The following BAIAP2 variants were observed in gnomAD, a reference collection of about 807,000 sequenced individuals.
BAIAP2 encodes the protein BAR/IMD domain containing adaptor protein 2.
BAIAP2 carries 18 observed loss-of-function variants against 63.0 expected under a neutral mutation model. The ratio of observed to expected loss-of-function variants is 0.29; its 90% confidence interval spans 0.20 to 0.42. The LOEUF (loss-of-function observed/expected upper bound fraction) is 0.42, where lower values mean the gene tolerates loss of function less well. BAIAP2 is among the 10% of genes least tolerant of loss of function. The pLI is 1.00. For synonymous variants in BAIAP2, 386 were observed against 307.6 expected (o/e 1.25, Z -2.67); for missense variants, 610 against 734.3 (o/e 0.83, Z 1.96).
chr17:81,079,023 C>G (rs918117438), intron 3 of BAIAP2, among the ~76,000 whole-genome samples: 2 of 152,106 alleles, frequency 1.3e-5, no homozygotes, highest in East Asian at 3.8e-4. Flanking sequence ...GGGGTCTCAC[C>G]GATCTCTGCT....
intron 3 of BAIAP2, chr17:81,063,756 G>C (rs1414371207): frequency 6.6e-6 from 1 of 152,346 alleles, no homozygotes; most frequent in African/African-American, 2.4e-5. Context: ...TGGGTGTTGA[G>C]TTTGTTTCCT....
chr17:81,037,842 G>T, intron 1 of BAIAP2, among the ~76,000 whole-genome samples: 1 of 152,266 alleles, frequency 6.6e-6, no homozygotes, highest in East Asian at 1.9e-4. Flanking sequence ...CTTGTCCTTG[G>T]CCTTGGTGAT....
chr17:81,060,239 T>C lies in BAIAP2; in HGVS notation c.217+2272T>C, dbSNP rs79463997. On this transcript the variant is annotated intron_variant, in intron 3 of 13. Coordinates refer to ENST00000428708, the MANE Select transcript of BAIAP2 (RefSeq NM_001144888.2). ...TAGAGTGTACAGTTCTGTGGCTTAG[T>C]GTATTTACAGTGTGCAACCATTGCC... is the stretch of plus-strand genomic sequence containing the variant. Among the ~76,000 whole-genome samples, 75 of 152,314 alleles carry C rather than the reference T, an allele frequency of 4.9e-4. No individual in the cohort carries two copies. In the East Asian group the frequency reaches 8.5e-3, roughly 17 times the overall value.
rs923905762 is a variant in BAIAP2 at position 81,107,004 on chromosome 17, C to T, written c.1500+97C>T. 17 of 1,385,336 alleles carry T rather than the reference C, an allele frequency of 1.2e-5. No homozygotes were observed. In the African/African-American group the frequency reaches 2.2e-4, roughly 18 times the overall value. The allele number at this position is 1,385,336 out of a possible 1,614,324, so 85.8% of individuals were successfully genotyped here. On this transcript the variant is annotated intron_variant, in intron 12 of 13. Coordinates refer to ENST00000428708, the MANE Select transcript of BAIAP2 (RefSeq NM_001144888.2). ...GGAGCCTCCGCTGAGGGGCGGGGCG[C>T]CTGGGGGTCTGGGTCTTTGGACAGC...
Position 81,116,562 on chromosome 17 carries a change from C to CG in BAIAP2, c.*727dup. The CG allele has an allele frequency of 1.9e-6, 1 of 538,802 alleles. No homozygotes were observed. Among genetic ancestry groups the CG allele is most frequent in the Non-Finnish European group, 3.3e-6 (1 of 300,668 alleles). 33.4% of individuals were successfully genotyped at this position (538,802 alleles called of 1,614,324 possible). On this transcript the variant is annotated 3_prime_UTR_variant, in exon 14 of 14. Coordinates refer to ENST00000428708, the MANE Select transcript of BAIAP2 (RefSeq NM_001144888.2). ...CAAAGGCCAGCTGTCAGGTGCTATG[C>CG]GGGGTCACCAGCAGAGTGCCCGCTG...
At chr17:81,073,116 G>C (rs902445058) in intron 3 of BAIAP2, among the ~76,000 whole-genome samples, 1 of 152,048 alleles carries the variant, frequency 6.6e-6, no homozygotes, top group Non-Finnish European at 1.5e-5. Flanking sequence ...AGCTCTCTTC[G>C]TAGGTGGCGT....
At chr17:81,090,973 CCCTGGGCTGGGGA>C (rs2056632282) in intron 6 of BAIAP2, among the ~76,000 whole-genome samples, 1 of 152,178 alleles carries the variant, frequency 6.6e-6, no homozygotes, top group South Asian at 2.1e-4. Flanking sequence ...AGAGGAAGCA[CCCTGGGCTGGGGA>C]ACTGGGCTGG....
intron 3 of BAIAP2, among the ~76,000 whole-genome samples, chr17:81,061,999 G>A (rs1481687436): frequency 2.0e-5 from 3 of 152,184 alleles, no homozygotes; most frequent in African/African-American, 7.2e-5. Flanking sequence ...CTGGAGTGCA[G>A]GGGTGCAATC....
intron 6 of BAIAP2, among the ~76,000 whole-genome samples, chr17:81,097,366 G>A (rs2057797423): frequency 6.6e-6 from 1 of 152,240 alleles, no homozygotes; most frequent in Admixed American, 6.5e-5. Context: ...CCAGTGCCCG[G>A]TGGTAGTGCT....
chr17:81,047,206 G>A (rs771048010), intron 1 of BAIAP2, among the ~76,000 whole-genome samples: 6 of 152,214 alleles, frequency 3.9e-5, no homozygotes, highest in Non-Finnish European at 7.4e-5. Flanking sequence ...GGACCAATTG[G>A]GAGAGAGGGA....
At chr17:81,110,873 A>AC (rs756012748) in intron 13 of BAIAP2, 24 of 1,612,584 alleles carry the variant, frequency 1.5e-5, no homozygotes, top group Non-Finnish European at 2.0e-5. Context: ...GAGTCCTCAG[A>AC]CCCCATGCTG....
chr17:81,057,783 A>G (rs750143350), intron 2 of BAIAP2, 98 bp from the exon 3 acceptor site: 4 of 1,458,992 alleles, frequency 2.7e-6, no homozygotes, highest in Admixed American at 2.5e-5. Flanking sequence ...GGCAGGAGAC[A>G]GGGTTGGGCC....
intron 6 of BAIAP2, among the ~76,000 whole-genome samples, chr17:81,095,444 C>T (rs1359452320): frequency 6.6e-6 from 1 of 152,198 alleles, no homozygotes; most frequent in Non-Finnish European, 1.5e-5. Flanking sequence ...GAAGCTCCTG[C>T]CTGGCCTAGA....
intron 6 of BAIAP2, among the ~76,000 whole-genome samples, chr17:81,089,391 G>C (rs1420130502): frequency 6.6e-6 from 1 of 152,216 alleles, no homozygotes; most frequent in African/African-American, 2.4e-5. Context: ...GAGGGGCCTT[G>C]GCCCTGCCTC....
intron 1 of BAIAP2, among the ~76,000 whole-genome samples, chr17:81,042,731 T>C (rs1348085808): frequency 6.6e-6 from 1 of 151,122 alleles, no homozygotes; most frequent in African/African-American, 2.4e-5. Context: ...GTGGGGATGG[T>C]GGTGGGGGAG....
At chr17:81,115,540 C>A (rs1485765497) in intron 13 of BAIAP2, among the ~76,000 whole-genome samples, 1 of 152,090 alleles carries the variant, frequency 6.6e-6, no homozygotes, top group Non-Finnish European at 1.5e-5. Context: ...GGTGGGGGCA[C>A]CCTGCCTTGT....
At chr17:81,073,215 C>T (rs2053015890) in intron 3 of BAIAP2, among the ~76,000 whole-genome samples, 1 of 152,200 alleles carries the variant, frequency 6.6e-6, no homozygotes, top group African/African-American at 2.4e-5. Context: ...GCCTCCTTCT[C>T]GGACCTTCCC....
intron 13 of BAIAP2, chr17:81,108,752 G>A: frequency 1.1e-6 from 1 of 905,772 alleles, no homozygotes; most frequent in Non-Finnish European, 1.6e-6. Flanking sequence ...TCCCTGTCAG[G>A]CAAGGTTGGG....
intron 3 of BAIAP2, among the ~76,000 whole-genome samples, chr17:81,082,215 C>CCA (rs1387689958): frequency 6.6e-6 from 1 of 152,150 alleles, no homozygotes; most frequent in African/African-American, 2.4e-5. Flanking sequence ...GCACACACAG[C>CCA]CACACACACA....
Sources: allele counts gnomAD v4.1 joint callset (sites outside exome capture counted in the v4.1 genomes callset), GRCh38; gene constraint gnomAD v4.1.1; transcripts MANE v1.5; gene names NCBI Gene and HGNC (gene_info 2026-07-23, HGNC 2026-07-21).